The following TTC39B variants were observed in gnomAD, a reference collection of about 807,000 sequenced individuals.
TTC39B encodes the protein tetratricopeptide repeat protein 39B.
Under a neutral mutation model 96.6 loss-of-function variants are expected in TTC39B, and 92 were observed. That is an observed-to-expected ratio of 0.95 (90% CI 0.80 to 1.13). The LOEUF (loss-of-function observed/expected upper bound fraction) is 1.13. TTC39B is among the 50% of genes most tolerant of loss of function. TTC39B has a pLI of 0.00. For synonymous variants in TTC39B, 367 were observed against 299.4 expected (o/e 1.23, Z -2.33); for missense variants, 955 against 809.3 (o/e 1.18, Z -2.18).
chr9:15,258,204 A>G (rs1036543685), intron 2 of TTC39B, among the ~76,000 whole-genome samples: 3 of 152,182 alleles, frequency 2.0e-5, no homozygotes, highest in African/African-American at 7.2e-5. Flanking sequence ...AAAATCTTAT[A>G]GTCACTTAAG....
exon 19 of TTC39B, chr9:15,175,021 T>C (rs1279228126): frequency 1.9e-6 from 3 of 1,610,836 alleles, no homozygotes; most frequent in Non-Finnish European, 1.7e-6. Flanking sequence ...ACACTTACCT[T>C]GCAGTTTCTA....
chr9:15,199,398 C>A (rs1289656040), intron 8 of TTC39B, among the ~76,000 whole-genome samples: 2 of 152,066 alleles, frequency 1.3e-5, no homozygotes, highest in African/African-American at 4.8e-5. Context: ...ACTGAATACA[C>A]ACTCAACAAA....
At chr9:15,304,558 T>G (rs182130888) in intron 1 of TTC39B, among the ~76,000 whole-genome samples, 1 of 152,196 alleles carries the variant, frequency 6.6e-6, no homozygotes, top group Non-Finnish European at 1.5e-5. Flanking sequence ...TGGGAGCTTC[T>G]CTACCATTAT....
At chr9:15,232,084 C>T (rs995671623) in intron 2 of TTC39B, 1 of 153,016 alleles carries the variant, frequency 6.5e-6, no homozygotes, top group East Asian at 1.9e-4. Context: ...CCTCCCCAAC[C>T]TGAACAAGAA....
rs192293046 is a variant in TTC39B, at chr9:15,208,090, C to T, written c.691+1998G>A. 9.0e-3 allele frequency among the ~76,000 whole-genome samples: 1,357 copies of T among 150,790 alleles called. 10 individuals are homozygous for T. Among genetic ancestry groups the T allele is most frequent in the Non-Finnish European group, 0.016 (1,071 of 67,758 alleles). ...TGTCACCCAGGCAGAAGTGCAGTGG[C>T]GCGATCTCGGCTCACTGCAACCTCC... is the stretch of plus-strand genomic sequence containing the variant. On this transcript the variant is annotated intron_variant, in intron 6 of 19. Coordinates refer to ENST00000512701, the Ensembl canonical transcript of TTC39B.
At chr9:15,292,115 A>T (rs921600421) in intron 1 of TTC39B, among the ~76,000 whole-genome samples, 1 of 152,226 alleles carries the variant, frequency 6.6e-6, no homozygotes, top group South Asian at 2.1e-4. Flanking sequence ...ACAGACAGGA[A>T]AGAATCATAG....
rs1289619809 is a variant in TTC39B at position 15,307,115 on chromosome 9, A to C, written c.209T>G (p.Leu70Ter). 1.2e-6 allele frequency: 2 copies of C among 1,610,476 alleles called. No homozygotes were observed. The highest frequency in any genetic ancestry group is 2.7e-5 in the African/African-American group (2 of 74,812). ...CGCTTCCAGCTCCGCTCGGCTGCCT[A>C]AGAGCGCCATATTCCTCCTCTGGCT... The change falls in exon 1 of 20, where the codon TTA (leucine) becomes TGA (stop). Residue 70 changes from leucine (L) to a stop codon, truncating the protein, a stop_gained. Coordinates refer to ENST00000512701, the Ensembl canonical transcript of TTC39B. LOFTEE classifies it high-confidence loss of function.
chr9:15,260,408 G>C lies in TTC39B; in HGVS notation c.275+7506C>G, dbSNP rs376092801. ...AGGACAAAACTCCCTTTCCAGACTTGAGTAACATTTATATTACCTACAGGG... is the reference window on the plus strand; with the variant it reads ...AGGACAAAACTCCCTTTCCAGACTTCAGTAACATTTATATTACCTACAGGG... On this transcript the variant is annotated intron_variant, in intron 2 of 19. Coordinates refer to ENST00000512701, the Ensembl canonical transcript of TTC39B. Among the ~76,000 whole-genome samples the C allele has an allele frequency of 4.0e-5, 6 of 151,176 alleles. No homozygotes were observed. In the East Asian group the frequency reaches 7.8e-4, roughly 20 times the overall value.
At chr9:15,296,146 A>C (rs1824367718) in intron 1 of TTC39B, among the ~76,000 whole-genome samples, 1 of 152,230 alleles carries the variant, frequency 6.6e-6, no homozygotes, top group Non-Finnish European at 1.5e-5. Context: ...AGGAGGACCA[A>C]GCATTTCCTC....
At chr9:15,226,851 A>G (rs1007552744) in intron 2 of TTC39B, among the ~76,000 whole-genome samples, 3 of 152,130 alleles carry the variant, frequency 2.0e-5, no homozygotes, top group African/African-American at 7.2e-5. Context: ...CCTGTATTAC[A>G]ATAGAATTGC....
intron 1 of TTC39B, among the ~76,000 whole-genome samples, chr9:15,300,892 A>AG (rs1491284926): frequency 0.017 from 52 of 3,102 alleles, no homozygotes; most frequent in Non-Finnish European, 0.026. Flanking sequence ...ACTCCGTCTC[A>AG]AAAAAAAAAA....
At chr9:15,264,368 T>A (rs1823046705) in intron 2 of TTC39B, among the ~76,000 whole-genome samples, 1 of 152,134 alleles carries the variant, frequency 6.6e-6, no homozygotes, top group Non-Finnish European at 1.5e-5. Context: ...AATGGGTAAC[T>A]AGGCCAGGCG....
intron 1 of TTC39B, among the ~76,000 whole-genome samples, chr9:15,270,796 G>A (rs976699764): frequency 1.3e-5 from 2 of 151,396 alleles, no homozygotes. Context: ...TCTCCATTTT[G>A]TTGAAACAGT....
At chr9:15,233,258 T>C (rs1236382408) in intron 2 of TTC39B, among the ~76,000 whole-genome samples, 1 of 152,154 alleles carries the variant, frequency 6.6e-6, no homozygotes, top group African/African-American at 2.4e-5. Flanking sequence ...TCCGCAGATG[T>C]GGTTTCCACC....
chr9:15,175,201 A>G, intron 18 of TTC39B, 66 bp from the exon 19 acceptor site: 3 of 1,120,558 alleles, frequency 2.7e-6, no homozygotes, highest in Admixed American at 1.8e-5. Context: ...TTCTAAATAT[A>G]TATTATTCCC....
chr9:15,234,809 C>G (rs1215124), intron 2 of TTC39B, among the ~76,000 whole-genome samples: 25,016 of 150,400 alleles, frequency 0.17, 2,188 homozygotes, highest in Non-Finnish European at 0.2. Context: ...GATGTGCTTT[C>G]TTAAACAGAT....
intron 7 of TTC39B, among the ~76,000 whole-genome samples, chr9:15,201,877 C>T (rs1417608521): frequency 6.6e-6 from 1 of 152,122 alleles, no homozygotes; most frequent in Non-Finnish European, 1.5e-5. Flanking sequence ...CTACTGAATG[C>T]TGAAGCAGAG....
At chr9:15,234,710 C>T (rs1224168296) in intron 2 of TTC39B, among the ~76,000 whole-genome samples, 1 of 151,688 alleles carries the variant, frequency 6.6e-6, no homozygotes, top group Admixed American at 6.6e-5. Flanking sequence ...CCTTGGGATC[C>T]TGTTGATCTG....
At chr9:15,257,746 C>T (rs1204605891) in intron 2 of TTC39B, among the ~76,000 whole-genome samples, 3 of 150,842 alleles carry the variant, frequency 2.0e-5, no homozygotes, top group Admixed American at 6.6e-5. Context: ...CCGTGCCTGA[C>T]GCAAATTATC....
Sources: allele counts gnomAD v4.1 joint callset (sites outside exome capture counted in the v4.1 genomes callset), GRCh38; gene constraint gnomAD v4.1.1; transcripts MANE v1.5; gene names NCBI Gene and HGNC (gene_info 2026-07-23, HGNC 2026-07-21).